The following ZFYVE26 variants were observed in gnomAD, a reference collection of about 807,000 sequenced individuals.
ZFYVE26 encodes zinc finger FYVE domain-containing protein 26.
ZFYVE26 carries 181 observed loss-of-function variants against 276.5 expected under a neutral mutation model. The observed-to-expected ratio is 0.65, with a 90% CI of 0.58 to 0.74. ZFYVE26 has a LOEUF of 0.74. Ranked by LOEUF, ZFYVE26 falls within the 30% of genes least tolerant of loss-of-function variation. ZFYVE26 has a pLI of 0.00. For synonymous variants in ZFYVE26, 1,129 were observed against 1,203.1 expected (o/e 0.94, Z 1.27); for missense variants, 2,821 against 3,097.9 (o/e 0.91, Z 2.12).
intron 34 of ZFYVE26, chr14:67,761,845 A>C (rs2038938800): frequency 1.8e-6 from 1 of 570,850 alleles, no homozygotes; most frequent in Admixed American, 3.0e-5. Context: ...AACAGGCAGG[A>C]TACACAATTC....
At chr14:67,751,808 G>A (rs917992999) in intron 40 of ZFYVE26, among the ~76,000 whole-genome samples, 28 of 152,028 alleles carry the variant, frequency 1.8e-4, no homozygotes, top group Non-Finnish European at 8.8e-5. Context: ...AGGAGGCAGA[G>A]CTTGCAGTGA....
Position 67,786,221 on chromosome 14 carries a change from T to C in ZFYVE26, c.3032A>G (p.Asp1011Gly). Reference protein sequence around the residue: ...SSLERRGRRIDHVLLNADGIR... With the variant: ...SSLERRGRRIGHVLLNADGIR... Reference sequence around the variant, plus strand: ...GCCATCAGCATTTAGGAGTACGTGGTCTATCCGTCGACCTGGAAATAGATG... The same window carrying C: ...GCCATCAGCATTTAGGAGTACGTGGCCTATCCGTCGACCTGGAAATAGATG... Residue 1011 changes from aspartate (D) to glycine (G), a missense_variant, in exon 17 of 42, where the codon GAC (aspartate) becomes GGC (glycine). Asp to Gly is a moderately conservative substitution (Grantham distance 94, BLOSUM62 -1). Transcript: ENST00000347230. 6.6e-7 allele frequency: 1 copy of C among 1,518,768 alleles called. No homozygotes were observed. The highest frequency in any genetic ancestry group is 1.5e-5 in the African/African-American group (1 of 68,886). The allele number at this position is 1,518,768 out of a possible 1,614,324, so 94.1% of individuals were successfully genotyped here.
chr14:67,775,414 T>C (rs1324989642), intron 26 of ZFYVE26, among the ~76,000 whole-genome samples: 1 of 151,564 alleles, frequency 6.6e-6, no homozygotes. Flanking sequence ...CCCTGGAGAG[T>C]AGGGAGTAAG....
intron 8 of ZFYVE26, 59 bp downstream of exon 8, chr14:67,805,158 C>G (rs1033285012): frequency 1.3e-6 from 2 of 1,541,474 alleles, no homozygotes; most frequent in Non-Finnish European, 1.8e-6. Context: ...GCCACACATG[C>G]GGAGCACAGG....
rs776323325 is a variant in ZFYVE26 at position 67,781,374 on chromosome 14, C to T, written c.4528G>A (p.Glu1510Lys). The change falls in exon 22 of 42, where the codon GAG becomes AAG. Residue 1510 changes from glutamate to lysine, a missense_variant. Physicochemically the swap from Glu to Lys is moderately conservative, Grantham distance 56. Transcript: ENST00000347230. ...DTAVQEGLKC[E>K]LQRKLAELQV... The stretch of plus-strand genomic sequence containing the variant: ...AGCTCCGCCAGCTTCCTCTGTAGCT[C>T]ACACTTTAGTCCTTCTTGGACAGCC... The T allele has an allele frequency of 6.2e-7, 1 of 1,614,212 alleles. No homozygotes were observed. The highest frequency in any genetic ancestry group is 1.1e-5 in the South Asian group (1 of 91,082).
At chr14:67,815,476 A>G in intron 2 of ZFYVE26, 1 of 430,064 alleles carries the variant, frequency 2.3e-6, no homozygotes, top group South Asian at 2.7e-5. Flanking sequence ...GGCAAAGAAA[A>G]TAGTTTTCAA....
At chr14:67,766,094 TAC>T in intron 32 of ZFYVE26, 131 bp downstream of exon 32, 1 of 904,822 alleles carries the variant, frequency 1.1e-6, no homozygotes, top group Non-Finnish European at 1.8e-6. Flanking sequence ...TCATCAACAT[TAC>T]ACAGATGAAA....
At chr14:67,750,411 C>T (rs1420906665) in intron 41 of ZFYVE26, 1 of 154,774 alleles carries the variant, frequency 6.5e-6, no homozygotes, top group African/African-American at 2.4e-5. Flanking sequence ...TTCTCATGCC[C>T]CTCCTGGCCT....
intron 20 of ZFYVE26, 52 bp downstream of exon 20, chr14:67,784,282 T>C: frequency 6.7e-7 from 1 of 1,487,554 alleles, no homozygotes; most frequent in East Asian, 2.3e-5. Flanking sequence ...TTGGCTATAT[T>C]GATGAAATCA....
intron 13 of ZFYVE26, among the ~76,000 whole-genome samples, chr14:67,733,131 AT>A (rs1185691334): frequency 8.6e-5 from 9 of 104,626 alleles, no homozygotes; most frequent in Admixed American, 2.8e-4. Context: ...TAATAATAAA[AT>A]TAAAAAAAAC....
Position 67,785,071 on chromosome 14 carries a change from T to C in ZFYVE26, c.3511A>G (p.Ser1171Gly), listed in dbSNP as rs1262484686. Residue 1171 changes from serine to glycine, a missense_variant, in exon 19 of 42, where the codon AGC (serine) becomes GGC (glycine). Transcript: ENST00000347230. ...TCTTGCTACCTACCAGGCTCAGAGC[T>C]CAAACTTTGAAGGAGAACTGCAGCA... ...TLAAVLLQSLSSEPDHVEVKV... is the reference protein window; with the variant it reads ...TLAAVLLQSLGSEPDHVEVKV... The C allele has an allele frequency of 6.2e-6, 10 of 1,614,016 alleles. No homozygotes were observed. The highest frequency in any genetic ancestry group is 8.5e-6 in the Non-Finnish European group (10 of 1,180,036).
rs767366135 is a variant in ZFYVE26, at chr14:67,805,274, G to C, written c.1214C>G (p.Ala405Gly). The C allele has an allele frequency of 2.8e-5, 45 of 1,614,004 alleles. No individual in the cohort carries two copies. Among genetic ancestry groups the C allele is most frequent in the Middle Eastern group, 1.6e-4 (1 of 6,068 alleles). Residue 405 changes from alanine (A) to glycine (G), a missense_variant, in exon 8 of 42, where the codon GCC (alanine) becomes GGC (glycine). Coordinates refer to ENST00000347230, the MANE Select transcript of ZFYVE26 (RefSeq NM_015346.4). ...GPGCDELLRDACDGLWAHLEV... is the reference protein window; with the variant it reads ...GPGCDELLRDGCDGLWAHLEV... ...CAGGTGAGCCCACAACCCATCACAG[G>C]CATCCCTGAGGAGCTCATCACAGCC...
At chr14:67,757,624 T>TG (rs140070274) in intron 35 of ZFYVE26, among the ~76,000 whole-genome samples, 2,285 of 151,652 alleles carry the variant, frequency 0.015, 42 homozygotes, top group African/African-American at 0.043. Flanking sequence ...CTTCCTACTA[T>TG]GGGGCAGATA....
intron 13 of ZFYVE26, among the ~76,000 whole-genome samples, chr14:67,735,574 G>T (rs2038342831): frequency 6.6e-6 from 1 of 152,182 alleles, no homozygotes; most frequent in Non-Finnish European, 1.5e-5. Flanking sequence ...TATGGATATG[G>T]CTTCCTGCCT....
At chr14:67,751,137 C>T in intron 40 of ZFYVE26, 41 bp from the exon 41 acceptor site, 1 of 1,613,262 alleles carries the variant, frequency 6.2e-7, no homozygotes, top group East Asian at 2.2e-5. Flanking sequence ...GGAGAAGAGT[C>T]CCGCAGTCTG....
chr14:67,789,697 A>T, intron 15 of ZFYVE26, 99 bp from the exon 16 acceptor site: 1 of 1,485,636 alleles, frequency 6.7e-7, no homozygotes, highest in Non-Finnish European at 9.3e-7. Context: ...TTTGAGGTTC[A>T]TCTGCACAGG....
Position 67,762,815 on chromosome 14 carries a change from T to C in ZFYVE26, c.6016A>G (p.Ile2006Val). 6.2e-7 allele frequency: 1 copy of C among 1,614,018 alleles called. No individual in the cohort carries two copies. The highest frequency in any genetic ancestry group is 8.5e-7 in the Non-Finnish European group (1 of 1,180,032). ...SQDLALCDSY[I>V]SKVDVLNILV... is the part of the protein sequence containing the mutation. Reference sequence around the variant, plus strand: ...ATATTCAGCACATCTACCTTGCTGATGTAGCTACAAGGAGGAAAAGGGCAA... The same window carrying C: ...ATATTCAGCACATCTACCTTGCTGACGTAGCTACAAGGAGGAAAAGGGCAA... The change falls in exon 33 of 42, where the codon ATC (isoleucine) becomes GTC (valine). Residue 2006 changes from isoleucine (I) to valine (V), a missense_variant. Physicochemically the swap from Ile to Val is conservative, Grantham distance 29. Transcript: ENST00000347230.
intron 32 of ZFYVE26, among the ~76,000 whole-genome samples, chr14:67,763,778 G>A (rs1464669362): frequency 6.6e-6 from 1 of 152,236 alleles, no homozygotes; most frequent in African/African-American, 2.4e-5. Context: ...CTCAATAAAT[G>A]TTAGATATTA....
Position 67,761,635 on chromosome 14 carries a change from C to A in ZFYVE26, c.6370-51G>T, listed in dbSNP as rs1436446755. ...AAAATGAAACTCAAAAAGTTCTCAG[C>A]AGGCACTGAAAATATTGCTTGCAAA... On this transcript the variant is annotated intron_variant, in intron 34 of 41. Coordinates refer to ENST00000347230, the MANE Select transcript of ZFYVE26 (RefSeq NM_015346.4). The A allele has an allele frequency of 1.1e-5, 17 of 1,525,588 alleles. No individual in the cohort carries two copies. The East Asian group carries it at 3.9e-4, about 35-fold the overall frequency. The allele number at this position is 1,525,588 out of a possible 1,614,324, so 94.5% of individuals were successfully genotyped here.
Sources: gnomAD v4.1 joint callset for allele counts (sites outside exome capture counted in the v4.1 genomes callset) on GRCh38, gnomAD v4.1.1 for gene constraint, MANE v1.5 for transcripts, NCBI Gene and HGNC (gene_info 2026-07-23, HGNC 2026-07-21) for gene names.